Variants in EPB41L4B observed in about 807,000 individuals in gnomAD.
EPB41L4B encodes band 4.1-like protein 4B.
Under a neutral mutation model 112.5 loss-of-function variants are expected in EPB41L4B, and 30 were observed. The ratio of observed to expected loss-of-function variants is 0.27; its 90% CI spans 0.20 to 0.36. EPB41L4B has a LOEUF of 0.36. Ranked by LOEUF, EPB41L4B falls within the 10% of genes least tolerant of loss-of-function variation. The pLI, the probability that EPB41L4B is intolerant of heterozygous loss-of-function variation, is 1.00. For missense variants in EPB41L4B, 1,024 were observed against 1,133.3 expected, an observed-to-expected ratio of 0.90 and a Z score of 1.38; for synonymous variants, 408 against 439.7, an observed-to-expected ratio of 0.93 and a Z score of 0.90.
chr9:109,268,784 C>T (rs531104530), intron 2 of EPB41L4B, among the ~76,000 whole-genome samples: 1 of 150,656 alleles, frequency 6.6e-6, no homozygotes, highest in Non-Finnish European at 1.5e-5. Flanking sequence ...GTAGTCCCAG[C>T]TACATGGGAG....
intron 1 of EPB41L4B, among the ~76,000 whole-genome samples, chr9:109,316,258 A>C (rs1455355699): frequency 6.6e-6 from 1 of 152,256 alleles, no homozygotes; most frequent in Non-Finnish European, 1.5e-5. Flanking sequence ...CAAGTGCACC[A>C]AATGCAACAA....
intron 15 of EPB41L4B, among the ~76,000 whole-genome samples, chr9:109,219,538 T>C (rs1415492899): frequency 6.6e-6 from 1 of 152,170 alleles, no homozygotes; most frequent in African/African-American, 2.4e-5. Context: ...TGGTTTGTAT[T>C]TTTAATAGAG....
At chr9:109,208,704 T>A (rs1215708956) in intron 17 of EPB41L4B, among the ~76,000 whole-genome samples, 1 of 152,212 alleles carries the variant, frequency 6.6e-6, no homozygotes, top group Non-Finnish European at 1.5e-5. Flanking sequence ...AATTATAGGC[T>A]TTGTGACTAT....
rs530897787 is a variant in EPB41L4B at position 109,172,436 on chromosome 9, C to T, written c.*2118G>A. The T allele has an allele frequency of 2.0e-4, 30 of 152,208 alleles. No homozygotes were observed. The highest frequency in any genetic ancestry group is 6.3e-4 in the African/African-American group (26 of 41,542). 9.4% of individuals were successfully genotyped at this position (152,208 alleles called of 1,614,324 possible). A position where few individuals can be genotyped will look rare whatever the true frequency, so the allele number is the denominator to read the frequency against. ...GCTAAAGCTGTTTTAAAAGTATAGC[C>T]GGGGGACATAGGGGTAAAAGGACCC... On this transcript the variant is annotated 3_prime_UTR_variant, in exon 26 of 26. Coordinates refer to ENST00000374566, the MANE Select transcript of EPB41L4B (RefSeq NM_019114.5).
chr9:109,271,734 G>A (rs1017598224), intron 2 of EPB41L4B, among the ~76,000 whole-genome samples: 5 of 152,084 alleles, frequency 3.3e-5, no homozygotes, highest in Non-Finnish European at 5.9e-5. Context: ...AAACGGCTCC[G>A]GCCCTCTTAG....
chr9:109,226,592 T>A (rs1291960341), intron 15 of EPB41L4B, among the ~76,000 whole-genome samples: 1 of 138,544 alleles, frequency 7.2e-6, no homozygotes, highest in Non-Finnish European at 1.5e-5. Flanking sequence ...AATCAAAACC[T>A]CTCTTTGGAT....
chr9:109,212,683 A>T (rs10739275), intron 17 of EPB41L4B, among the ~76,000 whole-genome samples: 65,763 of 152,028 alleles, frequency 0.43, 14,504 homozygotes, highest in Middle Eastern at 0.5. Context: ...AGCATTAAAG[A>T]GGAAGAAAGG....
intron 15 of EPB41L4B, among the ~76,000 whole-genome samples, chr9:109,217,452 TA>T (rs549120780): frequency 3.0e-4 from 46 of 152,314 alleles, no homozygotes; most frequent in Non-Finnish European, 5.0e-4. Flanking sequence ...AAAACAATAA[TA>T]AAAAATCATT....
At chr9:109,193,512 TG>T (rs1832535463) in intron 21 of EPB41L4B, among the ~76,000 whole-genome samples, 2 of 152,238 alleles carry the variant, frequency 1.3e-5, no homozygotes, top group Admixed American at 1.3e-4. Flanking sequence ...ATGGAAGAGC[TG>T]GGAACAGCCT....
chr9:109,185,651 A>AAGGGGAGGAGGAAGAGGAGGT, intron 22 of EPB41L4B, 46 bp from the exon 23 acceptor site: 1 of 1,467,482 alleles, frequency 6.8e-7, no homozygotes, highest in Non-Finnish European at 9.4e-7. Flanking sequence ...GTGGCAAGAG[A>AAGGGGAGGAGGAAGAGGAGGT]AGGGGAGGAG....
At chr9:109,271,963 GACACC>G (rs1835638710) in intron 2 of EPB41L4B, among the ~76,000 whole-genome samples, 1 of 152,192 alleles carries the variant, frequency 6.6e-6, no homozygotes, top group African/African-American at 2.4e-5. Context: ...CTGGAAATAT[GACACC>G]CATAAGGCTG....
Position 109,226,402 on chromosome 9 carries a change from C to T in EPB41L4B, c.1410-9257G>A, listed in dbSNP as rs145452827. Among the ~76,000 whole-genome samples the T allele has an allele frequency of 6.3e-3, 953 of 152,086 alleles. 16 individuals are homozygous for T. Among genetic ancestry groups the T allele is most frequent in the African/African-American group, 0.022 (915 of 41,460 alleles). ...CTATAACACTGCCACTTCCCCTTGT[C>T]CCTCCAGCTCTAGGAGTGATAAGCA... On this transcript the variant is annotated intron_variant, in intron 15 of 25. Transcript: ENST00000374566.
At chr9:109,270,971 G>A (rs1036813217) in intron 2 of EPB41L4B, among the ~76,000 whole-genome samples, 1 of 152,176 alleles carries the variant, frequency 6.6e-6, no homozygotes, top group Non-Finnish European at 1.5e-5. Flanking sequence ...ATTTAGTACT[G>A]AAGTTTTCCA....
At chr9:109,251,541 T>C (rs1834788510) in intron 12 of EPB41L4B, 30 bp from the exon 13 acceptor site, 1 of 1,607,518 alleles carries the variant, frequency 6.2e-7, no homozygotes, top group Non-Finnish European at 8.5e-7. Context: ...AGTTATGACA[T>C]CTTAGAGAAC....
intron 2 of EPB41L4B, among the ~76,000 whole-genome samples, chr9:109,271,391 G>C (rs541873225): frequency 4.1e-4 from 62 of 152,230 alleles, no homozygotes; most frequent in Non-Finnish European, 8.1e-4. Context: ...GTTCAGATCA[G>C]GTTTTGCTTG....
In EPB41L4B at chr9:109,255,850, A is replaced by G; in HGVS notation, c.930-7T>C. The G allele has an allele frequency of 6.2e-7, 1 of 1,611,798 alleles. No homozygotes were observed. The highest frequency in any genetic ancestry group is 1.1e-5 in the South Asian group (1 of 90,298). On this transcript the variant is annotated splice_polypyrimidine_tract_variant and splice_region_variant and intron_variant, in intron 9 of 25. Coordinates refer to ENST00000374566, the MANE Select transcript of EPB41L4B (RefSeq NM_019114.5). ...CATTTTGGTAATTTTAGGCCTAGTC[A>G]GACAGAAAGCATTTTAAAAGCACAA...
At chr9:109,275,926 G>A (rs571707742) in intron 2 of EPB41L4B, among the ~76,000 whole-genome samples, 1 of 151,972 alleles carries the variant, frequency 6.6e-6, no homozygotes, top group Admixed American at 6.6e-5. Context: ...TCTCCCTCAG[G>A]TTCCTTCTGG....
intron 17 of EPB41L4B, among the ~76,000 whole-genome samples, chr9:109,209,177 G>C (rs1833077749): frequency 6.6e-6 from 1 of 152,256 alleles, no homozygotes; most frequent in South Asian, 2.1e-4. Flanking sequence ...GAAAGCTAGA[G>C]GAAGTATAGA....
intron 1 of EPB41L4B, among the ~76,000 whole-genome samples, chr9:109,308,852 C>T (rs552875037): frequency 1.3e-5 from 2 of 152,132 alleles, no homozygotes; most frequent in East Asian, 3.9e-4. Flanking sequence ...CTGAGGCAGG[C>T]GGATCGCTTG....
Sources: gnomAD v4.1 joint callset for allele counts (sites outside exome capture counted in the v4.1 genomes callset) on GRCh38, gnomAD v4.1.1 for gene constraint, MANE v1.5 for transcripts, NCBI Gene and HGNC (gene_info 2026-07-23, HGNC 2026-07-21) for gene names.